PPCS: variants seen among roughly 807,000 people sequenced by gnomAD.
PPCS encodes phosphopantothenate--cysteine ligase.
A neutral mutation model predicts 24.6 loss-of-function variants in PPCS; 17 were observed. That is an observed-to-expected ratio of 0.69 (90% confidence interval 0.47 to 1.04). The LOEUF is 1.04. Ranked by LOEUF, PPCS falls within the 50% of genes least tolerant of loss-of-function variation. The pLI is 0.00. For missense variants in PPCS, 360 were observed against 402.8 expected (o/e 0.89, Z 0.91); for synonymous variants, 190 against 168.3 (o/e 1.13, Z -1.00).
downstream of PPCS, among the ~76,000 whole-genome samples, chr1:42,461,594 T>G (rs989230024): frequency 6.0e-5 from 9 of 149,206 alleles, no homozygotes; most frequent in African/African-American, 2.2e-4. Flanking sequence ...TCGTCCTGGG[T>G]GGAGTGCAGT....
exon 3 of PPCS, chr1:42,473,147 T>C: frequency 8.1e-7 from 1 of 1,229,630 alleles, no homozygotes; most frequent in South Asian, 4.1e-5. Context: ...GAAGACATAC[T>C]TCACCATCTT....
At chr1:42,458,770 TTAC>T (rs1643316205) in intron 2 of PPCS, among the ~76,000 whole-genome samples, 1 of 152,188 alleles carries the variant, frequency 6.6e-6, no homozygotes, top group Admixed American at 6.5e-5. Context: ...CAACTGAACA[TTAC>T]CCTGAGAAGG....
intron 2 of PPCS, among the ~76,000 whole-genome samples, chr1:42,458,242 G>A (rs1569611566): frequency 6.6e-6 from 1 of 152,318 alleles, no homozygotes; most frequent in East Asian, 1.9e-4. Flanking sequence ...TCTGGCATCA[G>A]TATGAAAGAC....
At chr1:42,457,970 A>C (rs1311164508) in intron 2 of PPCS, among the ~76,000 whole-genome samples, 3 of 150,836 alleles carry the variant, frequency 2.0e-5, no homozygotes, top group Non-Finnish European at 3.0e-5. Flanking sequence ...AAAAAAAAAA[A>C]CACCAAAAAT....
chr1:42,461,607 C>T (rs1433210721), downstream of PPCS, among the ~76,000 whole-genome samples: 1 of 149,346 alleles, frequency 6.7e-6, no homozygotes, highest in Admixed American at 6.7e-5. Context: ...AGTGCAGTGG[C>T]ACAATCTCGG....
chr1:42,464,664 C>A (rs966908112), downstream of PPCS, among the ~76,000 whole-genome samples: 1 of 152,170 alleles, frequency 6.6e-6, no homozygotes, highest in Non-Finnish European at 1.5e-5. Context: ...AGATCCAGTG[C>A]AATTTTATTT....
rs1241729804 is a variant in PPCS, at chr1:42,456,994, C to T, written c.429C>T (p.Thr143=). Residue 143 remains threonine, a synonymous_variant, in exon 1 of 3, where the codon ACC becomes ACT. Coordinates refer to ENST00000372561, the MANE Select transcript of PPCS (RefSeq NM_024664.4). The part of the protein sequence containing the change: ...RSYQEAAAAG[T]FLAVEFTTLA... ...ACCAGGAGGCTGCGGCTGCAGGCAC[C>T]TTCCTGGCAGTAGAGTTCACCACTT... The T allele has an allele frequency of 1.2e-6, 2 of 1,602,442 alleles. No individual in the cohort carries two copies. Among genetic ancestry groups the T allele is most frequent in the Non-Finnish European group, 1.7e-6 (2 of 1,179,946 alleles).
chr1:42,471,016 GGA>G (rs1643753560), intron 2 of PPCS, among the ~76,000 whole-genome samples: 1 of 152,092 alleles, frequency 6.6e-6, no homozygotes, highest in South Asian at 2.1e-4. Context: ...GGTGTTAGAG[GGA>G]GACACATGGA....
rs753656196 is a variant in PPCS, at chr1:42,456,648, C to G, written c.83C>G (p.Ala28Gly). Residue 28 changes from alanine to glycine, a missense_variant, in exon 1 of 3, where the codon GCC becomes GGC. By Grantham distance (60) the Ala-to-Gly change is moderately conservative (BLOSUM62 0). Around this residue, in one of 2 missense-constraint regions of PPCS, gnomAD observed 244 missense variants for 234.7 expected, o/e 1.04. Transcript: ENST00000372561. The stretch of plus-strand genomic sequence containing the variant: ...GCTGAGGTTATGGCTCGCTTCGCGG[C>G]CAGGCTGGGCGCGCAGGGCCGGCGG... ...RWAEVMARFA[A>G]RLGAQGRRVV... 1 of 1,588,008 alleles carries G rather than the reference C, an allele frequency of 6.3e-7. No individual in the cohort carries two copies.
chr1:42,473,067 C>T, intron 2 of PPCS: 1 of 1,218,904 alleles, frequency 8.2e-7, no homozygotes, highest in Non-Finnish European at 1.0e-6. Context: ...TATCTTGCAT[C>T]CTCAGTTGTG....
chr1:42,458,320 T>G (rs1393400817), intron 2 of PPCS, among the ~76,000 whole-genome samples: 2 of 152,116 alleles, frequency 1.3e-5, no homozygotes, highest in African/African-American at 4.8e-5. Context: ...GGAAGAAATA[T>G]GGATAAGGTA....
In PPCS at chr1:42,460,827, C is replaced by T. The variant is rs2148423088; in HGVS notation, c.*901C>T. The stretch of plus-strand genomic sequence containing the variant: ...TTATTGTGAGGATCAAATGAAATAG[C>T]AAAAAGAAAGCATCAGTCTGGTGCC... On this transcript the variant is annotated 3_prime_UTR_variant, in exon 3 of 3. Coordinates refer to ENST00000372561, the MANE Select transcript of PPCS (RefSeq NM_024664.4). Among the ~76,000 whole-genome samples, 2 of 152,282 alleles carry T rather than the reference C, an allele frequency of 1.3e-5. No individual in the cohort carries two copies. The highest frequency in any genetic ancestry group is 2.9e-5 in the Non-Finnish European group (2 of 68,022).
At chr1:42,470,787 C>T (rs571948414) in intron 2 of PPCS, among the ~76,000 whole-genome samples, 1 of 152,182 alleles carries the variant, frequency 6.6e-6, no homozygotes, top group South Asian at 2.1e-4. Context: ...AATAGAGATT[C>T]CCAGGGCCTG....
At chr1:42,468,211 C>T (rs1643653403) in intron 2 of PPCS, among the ~76,000 whole-genome samples, 1 of 152,206 alleles carries the variant, frequency 6.6e-6, no homozygotes, top group Admixed American at 6.5e-5. Flanking sequence ...ATTCCTCCCA[C>T]ATAAAAGTCA....
chr1:42,461,802 T>C (rs113965539), downstream of PPCS, among the ~76,000 whole-genome samples: 59,050 of 151,902 alleles, frequency 0.39, 11,983 homozygotes, highest in East Asian at 0.59. Flanking sequence ...GCCCCGGCCT[T>C]CCAAAGTGCT....
At chr1:42,473,277 G>A (rs1643827106) in exon 3 of PPCS, 1 of 1,231,480 alleles carries the variant, frequency 8.1e-7, no homozygotes, top group Admixed American at 4.2e-5. Context: ...AGAGCTTATA[G>A]TGAAGCACAT....
chr1:42,460,523 T>C lies in PPCS; in HGVS notation c.*597T>C, dbSNP rs75282386. 1 of 310,840 alleles carries C rather than the reference T, an allele frequency of 3.2e-6. No homozygotes were observed. Among genetic ancestry groups the C allele is most frequent in the Non-Finnish European group, 4.7e-6 (1 of 213,138 alleles). 19.3% of individuals were successfully genotyped at this position (310,840 alleles called of 1,614,324 possible). ...CTTTTCACTGCATTTACTTTTTGCT[T>C]CTTATTGTAGATTCACCTCATGTTT... On this transcript the variant is annotated 3_prime_UTR_variant, in exon 3 of 3. Coordinates refer to ENST00000372561, the MANE Select transcript of PPCS (RefSeq NM_024664.4).
At position 42,458,466 on chromosome 1, in the gene PPCS, T is replaced by C. The variant is rs556962656; in HGVS notation, c.612+1116T>C. On this transcript the variant is annotated intron_variant, in intron 2 of 2. Coordinates refer to ENST00000372561, the MANE Select transcript of PPCS (RefSeq NM_024664.4). ...GACTTTGTAGAATAGTTTATTGAGG[T>C]CCTACACTGCTGTAGGACTTAGAGA... Among the ~76,000 whole-genome samples the C allele has an allele frequency of 9.2e-5, 14 of 152,136 alleles. 1 individual carries two copies. Among genetic ancestry groups the C allele is most frequent in the African/African-American group, 3.4e-4 (14 of 41,524 alleles).
At chr1:42,457,212 G>T (rs770966604) in intron 1 of PPCS, 35 bp from the exon 2 acceptor site, 77 of 1,612,962 alleles carry the variant, frequency 4.8e-5, no homozygotes, top group Non-Finnish European at 6.4e-5. Context: ...ATCGTACCTC[G>T]CCGATTTGTT....
Sources: allele counts gnomAD v4.1 joint callset (sites outside exome capture counted in the v4.1 genomes callset), GRCh38; gene constraint gnomAD v4.1.1; regional missense constraint gnomAD v4.1.1; transcripts MANE v1.5; gene names NCBI Gene and HGNC (gene_info 2026-07-23, HGNC 2026-07-21).